The following TTC27 variants were observed in gnomAD, a reference collection of about 807,000 sequenced individuals.
TTC27 encodes tetratricopeptide repeat protein 27.
TTC27 carries 79 observed loss-of-function variants against 115.9 expected under a neutral mutation model. That is an observed-to-expected ratio of 0.68 (90% confidence interval 0.57 to 0.82). The LOEUF (loss-of-function observed/expected upper bound fraction) is 0.82, where lower values mean the gene tolerates loss of function less well. TTC27 is among the 40% of genes least tolerant of loss of function. The pLI, the probability that TTC27 is intolerant of heterozygous loss-of-function variation, is 0.00. For missense variants in TTC27, 1,054 were observed against 993.1 expected, an observed-to-expected ratio of 1.06 and a Z score of -0.82; for synonymous variants, 401 against 356.0, an observed-to-expected ratio of 1.13 and a Z score of -1.42.
rs746798874 is a variant in TTC27, at chr2:32,733,836, A to G, written c.1242A>G (p.Ala414=). Residue 414 remains alanine (A), a synonymous_variant, in exon 11 of 20, where the codon GCA becomes GCG. Transcript: ENST00000317907. ...ERAMRQTQAL[A]DQFEDKTTSV... is the part of the protein sequence containing the mutation. ...GATATATGTCCTTTAAGGCTCTTGC[A>G]GACCAATTTGAAGATAAAACTACAT... 6.2e-6 allele frequency: 10 copies of G among 1,610,142 alleles called. No homozygotes were observed. The East Asian group carries it at 2.2e-4, about 36-fold the overall frequency.
intron 10 of TTC27, among the ~76,000 whole-genome samples, chr2:32,714,118 C>T (rs369909370): frequency 1.5e-4 from 22 of 150,702 alleles, no homozygotes; most frequent in South Asian, 1.3e-3. Context: ...TTTAGGGTTG[C>T]GTAGTATTCC....
At chr2:32,802,409 C>G (rs1289376298) in intron 16 of TTC27, among the ~76,000 whole-genome samples, 1 of 152,010 alleles carries the variant, frequency 6.6e-6, no homozygotes, top group Non-Finnish European at 1.5e-5. Context: ...TTAAAACTTC[C>G]TTTTCTCCTA....
At chr2:32,751,287 C>CAT (rs1227512951) in intron 12 of TTC27, among the ~76,000 whole-genome samples, 1 of 151,610 alleles carries the variant, frequency 6.6e-6, no homozygotes, top group Admixed American at 6.6e-5. Context: ...CACACACACA[C>CAT]ACACACACAC....
intron 12 of TTC27, among the ~76,000 whole-genome samples, chr2:32,757,872 T>G (rs1376035099): frequency 6.6e-6 from 1 of 152,154 alleles, no homozygotes; most frequent in Non-Finnish European, 1.5e-5. Flanking sequence ...CGGCTAATTT[T>G]TGTATTTTTA....
In TTC27 at chr2:32,733,935, G is replaced by T. The variant is rs758539369; in HGVS notation, c.1329+12G>T. ...ACTGGGCCATTCAGGTATTTCTGTTGTTTGTCATTGGGTATGGAAATTACT... is the reference window on the plus strand; with the variant it reads ...ACTGGGCCATTCAGGTATTTCTGTTTTTTGTCATTGGGTATGGAAATTACT... On this transcript the variant is annotated intron_variant, in intron 11 of 19. Coordinates refer to ENST00000317907, the MANE Select transcript of TTC27 (RefSeq NM_017735.5). 29 of 1,582,258 alleles carry T rather than the reference G, an allele frequency of 1.8e-5. No homozygotes were observed. The highest frequency in any genetic ancestry group is 2.2e-5 in the Non-Finnish European group (25 of 1,155,098).
intron 10 of TTC27, among the ~76,000 whole-genome samples, chr2:32,715,608 G>A (rs1258396470): frequency 6.6e-6 from 1 of 152,120 alleles, no homozygotes; most frequent in Non-Finnish European, 1.5e-5. Flanking sequence ...GAGGGAGGAA[G>A]ACCCAAAATA....
chr2:32,670,948 T>C (rs1367684708), intron 7 of TTC27, among the ~76,000 whole-genome samples: 3 of 104,850 alleles, frequency 2.9e-5, no homozygotes, highest in Non-Finnish European at 5.2e-5. Context: ...TTGAGTTGTT[T>C]GTCTTCTTAT....
intron 5 of TTC27, among the ~76,000 whole-genome samples, chr2:32,652,776 C>T (rs548282400): frequency 5.3e-5 from 8 of 152,236 alleles, no homozygotes; most frequent in South Asian, 2.1e-4. Context: ...AACTGAAATA[C>T]GATTCAGCGT....
chr2:32,795,101 C>G (rs1302677452), intron 16 of TTC27, among the ~76,000 whole-genome samples: 1 of 150,448 alleles, frequency 6.6e-6, no homozygotes, highest in African/African-American at 2.5e-5. Context: ...CAGCATTACC[C>G]TGATACCAAA....
chr2:32,685,057 G>A (rs1666584845), intron 9 of TTC27, among the ~76,000 whole-genome samples: 1 of 132,778 alleles, frequency 7.5e-6, no homozygotes, highest in African/African-American at 2.8e-5. Context: ...ATTAGATGGA[G>A]TCTTGCTCTG....
chr2:32,699,481 G>C (rs568257770), intron 9 of TTC27, among the ~76,000 whole-genome samples: 1 of 152,320 alleles, frequency 6.6e-6, no homozygotes, highest in South Asian at 2.1e-4. Context: ...GCTTAGGTAG[G>C]TTAGATTGGT....
intron 1 of TTC27, among the ~76,000 whole-genome samples, chr2:32,630,154 G>A (rs1172737054): frequency 6.6e-6 from 1 of 152,186 alleles, no homozygotes; most frequent in Non-Finnish European, 1.5e-5. Flanking sequence ...AGAAAATAAT[G>A]GAGGTAGAAA....
intron 12 of TTC27, among the ~76,000 whole-genome samples, chr2:32,744,915 A>G (rs1324342825): frequency 6.6e-6 from 1 of 151,772 alleles, no homozygotes. Context: ...GGGCATGGTG[A>G]TGGGCACCTG....
At chr2:32,801,926 G>A (rs1300275137) in intron 16 of TTC27, among the ~76,000 whole-genome samples, 3 of 152,156 alleles carry the variant, frequency 2.0e-5, no homozygotes, top group Non-Finnish European at 2.9e-5. Flanking sequence ...ATACAATATT[G>A]GGAGATAAGA....
At chr2:32,723,737 T>TCCTTCCTTCCTTCCTC (rs1192492291) in intron 10 of TTC27, among the ~76,000 whole-genome samples, 54 of 86,120 alleles carry the variant, frequency 6.3e-4, no homozygotes, top group African/African-American at 2.7e-3. Flanking sequence ...CCTCCTTCCT[T>TCCTTCCTTCCTTCCTC]CCTTCCTTCC....
intron 13 of TTC27, among the ~76,000 whole-genome samples, chr2:32,776,217 C>T (rs992839540): frequency 1.3e-5 from 2 of 152,134 alleles, no homozygotes; most frequent in African/African-American, 2.4e-5. Flanking sequence ...CATGGCAAAG[C>T]GTTAAATGGC....
chr2:32,795,171 C>T (rs1169041085), intron 16 of TTC27, among the ~76,000 whole-genome samples: 1 of 151,176 alleles, frequency 6.6e-6, no homozygotes, highest in Non-Finnish European at 1.5e-5. Flanking sequence ...ACCAAAATCT[C>T]TTATGAATAT....
intron 10 of TTC27, among the ~76,000 whole-genome samples, chr2:32,708,495 A>G (rs1008525359): frequency 1.3e-5 from 2 of 151,280 alleles, no homozygotes; most frequent in African/African-American, 4.9e-5. Flanking sequence ...TATTTTTAGT[A>G]GAGACACATT....
At chr2:32,757,614 C>T (rs1422515993) in intron 12 of TTC27, among the ~76,000 whole-genome samples, 1 of 152,194 alleles carries the variant, frequency 6.6e-6, no homozygotes, top group African/African-American at 2.4e-5. Flanking sequence ...CATTTTGTAG[C>T]AATTAAGCTG....
Sources: allele counts gnomAD v4.1 joint callset (sites outside exome capture counted in the v4.1 genomes callset), GRCh38; gene constraint gnomAD v4.1.1; transcripts MANE v1.5; gene names NCBI Gene and HGNC (gene_info 2026-07-23, HGNC 2026-07-21).